The following UNC80 variants were observed in gnomAD, a reference collection of about 807,000 sequenced individuals.
UNC80 encodes protein unc-80 homolog.
UNC80 carries 164 observed loss-of-function variants against 384.6 expected under a neutral mutation model. The observed-to-expected ratio is 0.43, with a 90% CI of 0.38 to 0.49. The LOEUF (loss-of-function observed/expected upper bound fraction) is 0.49, where lower values mean the gene tolerates loss of function less well. UNC80 is among the 20% of genes least tolerant of loss of function. The pLI is 0.00. For missense variants in UNC80, 3,330 were observed against 4,143.0 expected, an observed-to-expected ratio of 0.80 and a Z score of 5.39; for synonymous variants, 1,486 against 1,527.8, an observed-to-expected ratio of 0.97 and a Z score of 0.64.
At chr2:209,797,603 T>C (rs980891455) in intron 7 of UNC80, among the ~76,000 whole-genome samples, 1 of 152,228 alleles carries the variant, frequency 6.6e-6, no homozygotes, top group African/African-American at 2.4e-5. Flanking sequence ...TTCCGTGTCT[T>C]TGCTATTGTA....
At chr2:209,895,150 G>A (rs903151383) in intron 27 of UNC80, among the ~76,000 whole-genome samples, 3 of 152,146 alleles carry the variant, frequency 2.0e-5, no homozygotes, top group African/African-American at 7.2e-5. Flanking sequence ...CCAAAATATG[G>A]GCCCTAATTA....
intron 43 of UNC80, 141 bp from the exon 44 acceptor site, chr2:209,941,080 T>C: frequency 9.0e-7 from 1 of 1,108,212 alleles, no homozygotes; most frequent in Non-Finnish European, 1.2e-6. Context: ...AATATTGTGC[T>C]GGAAAACATT....
chr2:209,812,863 A>G (rs1489776197), intron 7 of UNC80, among the ~76,000 whole-genome samples: 1 of 152,244 alleles, frequency 6.6e-6, no homozygotes. Flanking sequence ...TAAATTGAAC[A>G]CTAGGTAATG....
chr2:209,974,370 CT>C (rs1015601213), intron 56 of UNC80, among the ~76,000 whole-genome samples: 2 of 152,194 alleles, frequency 1.3e-5, no homozygotes, highest in African/African-American at 4.8e-5. Context: ...GAATTCAAAT[CT>C]AAGCTCTATC....
chr2:209,791,628 G>A (rs948268864), intron 6 of UNC80, among the ~76,000 whole-genome samples: 1 of 151,780 alleles, frequency 6.6e-6, no homozygotes, highest in South Asian at 2.1e-4. Context: ...AGACCATCCT[G>A]GCTAACACGG....
At chr2:209,800,491 TA>T (rs141216729) in intron 7 of UNC80, among the ~76,000 whole-genome samples, 140,487 of 145,228 alleles carry the variant, frequency 0.97, 68,021 homozygotes, top group Non-Finnish European at 0.99. Context: ...TTTTGTTATT[TA>T]AAAAAAAAAA....
intron 20 of UNC80, 28 bp from the exon 21 acceptor site, chr2:209,842,322 C>G (rs983295034): frequency 6.7e-7 from 1 of 1,494,494 alleles, no homozygotes; most frequent in African/African-American, 1.4e-5. Context: ...TCTTATCTCT[C>G]TACTTTCCTT....
chr2:209,846,472 A>C (rs996799878), intron 21 of UNC80, among the ~76,000 whole-genome samples: 1 of 152,072 alleles, frequency 6.6e-6, no homozygotes, highest in African/African-American at 2.4e-5. Context: ...CCATCAACAC[A>C]ATGGGAAATG....
Position 209,984,958 on chromosome 2 carries a change from C to CGA in UNC80, c.9314+46_9314+47insGA, listed in dbSNP as rs776435799. On this transcript the variant is annotated intron_variant, in intron 61 of 64. Transcript: ENST00000673920. ...GTCTATTGGTGTCTGTGCTGGGAAA[C>CGA]TAGCTGTTCCCTGTCTCCTCTGTCT... The CGA allele has an allele frequency of 2.0e-6, 3 of 1,485,618 alleles. No homozygotes were observed. In the African/African-American group the frequency reaches 4.2e-5, roughly 21 times the overall value. 92.0% of individuals were successfully genotyped at this position (1,485,618 alleles called of 1,614,324 possible). A position where few individuals can be genotyped will look rare whatever the true frequency, so the allele number is the denominator to read the frequency against.
At chr2:209,971,069 T>C (rs2092870236) in intron 54 of UNC80, 112 bp downstream of exon 54, 1 of 1,364,918 alleles carries the variant, frequency 7.3e-7, no homozygotes, top group South Asian at 1.6e-5. Context: ...GAAACAAAAG[T>C]GTAAACATCT....
rs2084660889 is a variant in UNC80, at chr2:209,875,085, A to G, written c.3840+2115A>G. Among the ~76,000 whole-genome samples, 2 of 152,082 alleles carry G rather than the reference A, an allele frequency of 1.3e-5. 1 individual carries two copies. Among genetic ancestry groups the G allele is most frequent in the South Asian group, 4.1e-4 (2 of 4,822 alleles). On this transcript the variant is annotated intron_variant, in intron 23 of 64. Coordinates refer to ENST00000673920, the MANE Select transcript of UNC80 (RefSeq NM_001371986.1). ...TCTCCTCACAGTCTCCTCTCATTTA[A>G]TGCATCCTACACACTGTCAGTGAAA...
At chr2:209,849,939 C>T (rs1424486527) in intron 22 of UNC80, among the ~76,000 whole-genome samples, 1 of 151,986 alleles carries the variant, frequency 6.6e-6, no homozygotes, top group East Asian at 1.9e-4. Flanking sequence ...CCTCCTCGGG[C>T]TAGTGCGAAA....
At position 209,836,658 on chromosome 2, in the gene UNC80, G is replaced by A. The variant is rs191526259; in HGVS notation, c.3041+1648G>A. Reference sequence around the variant, plus strand: ...TGGAACTTTTTCATGATCCCAATAGGCCTAGAAGGTAAGCATGTCAAATGT... The same window carrying A: ...TGGAACTTTTTCATGATCCCAATAGACCTAGAAGGTAAGCATGTCAAATGT... On this transcript the variant is annotated intron_variant, in intron 18 of 64. Transcript: ENST00000673920. Among the ~76,000 whole-genome samples the A allele has an allele frequency of 2.3e-3, 356 of 152,174 alleles. 2 individuals carry two copies. The highest frequency in any genetic ancestry group is 8.2e-3 in the African/African-American group (340 of 41,506).
At chr2:209,993,985 T>C in intron 63 of UNC80, 80 bp from the exon 64 acceptor site, 2 of 1,244,846 alleles carry the variant, frequency 1.6e-6, no homozygotes. Flanking sequence ...CAGGAGACAC[T>C]GGTTAATACC....
rs539559663 is a variant in UNC80 at position 209,985,056 on chromosome 2, C to T, written c.9314+144C>T. 3.7e-4 allele frequency: 243 copies of T among 656,102 alleles called. 5 individuals carry two copies. The South Asian group carries it at 7.0e-3, about 19-fold the overall frequency. The allele number at this position is 656,102 out of a possible 1,614,324, so 40.6% of individuals were successfully genotyped here. A position where few individuals can be genotyped will look rare whatever the true frequency, so the allele number is the denominator to read the frequency against. ...TTCCTTGCCCTTTGTTGTTCATGAA[C>T]ATATGAGCCTGGAAGTCAAAGGTGT... On this transcript the variant is annotated intron_variant, in intron 61 of 64. Transcript: ENST00000673920.
chr2:209,813,907 C>A, intron 8 of UNC80, 66 bp downstream of exon 8: 1 of 1,513,756 alleles, frequency 6.6e-7, no homozygotes. Flanking sequence ...CTTTTTTTCT[C>A]TGTGCATCCA....
intron 2 of UNC80, among the ~76,000 whole-genome samples, chr2:209,775,404 A>G (rs1283785862): frequency 1.3e-5 from 2 of 152,216 alleles, no homozygotes; most frequent in Non-Finnish European, 2.9e-5. Flanking sequence ...GCCATGAGAT[A>G]AATCAGGGAT....
In UNC80 at chr2:209,937,610, C is replaced by A. The variant is rs1336618986; in HGVS notation, c.6445C>A (p.Gln2149Lys). 1 of 1,551,582 alleles carries A rather than the reference C, an allele frequency of 6.4e-7. No homozygotes were observed. The highest frequency in any genetic ancestry group is 2.4e-5 in the East Asian group (1 of 40,904). The change falls in exon 42 of 65, where the codon CAG (glutamine) becomes AAG (lysine). Residue 2149 changes from glutamine to lysine, a missense_variant. This residue lies in a region of UNC80 where 1,049 missense variants were observed against 1,488.6 expected (regional missense o/e 0.70). Transcript: ENST00000673920. The part of the protein sequence containing the change: ...NLVHMHPEKG[Q>K]ELIQKQVFTR... ...TGTACATATGCATCCAGAGAAGGGA[C>A]AGGAGCTCATTCAGAAACAGGTGAC...
intron 22 of UNC80, among the ~76,000 whole-genome samples, chr2:209,851,699 G>A (rs545425786): frequency 1.1e-4 from 16 of 152,046 alleles, no homozygotes; most frequent in Admixed American, 8.5e-4. Context: ...AAGGTTGATT[G>A]ATGAATGATT....
Sources: gnomAD v4.1 joint callset for allele counts (sites outside exome capture counted in the v4.1 genomes callset) on GRCh38, gnomAD v4.1.1 for gene constraint, gnomAD v4.1.1 regional missense constraint, MANE v1.5 for transcripts, NCBI Gene and HGNC (gene_info 2026-07-23, HGNC 2026-07-21) for gene names.